Variants in PLXNA2 observed in about 807,000 individuals in gnomAD.
PLXNA2 encodes plexin A2.
A neutral mutation model predicts 193.5 loss-of-function variants in PLXNA2; 91 were observed. That is an observed-to-expected ratio of 0.47 (90% confidence interval 0.40 to 0.56). PLXNA2 has a LOEUF of 0.56. Ranked by LOEUF, PLXNA2 falls within the 20% of genes least tolerant of loss-of-function variation. The pLI, the probability that PLXNA2 is intolerant of heterozygous loss-of-function variation, is 0.00. For missense variants in PLXNA2, 1,995 were observed against 2,503.2 expected, an observed-to-expected ratio of 0.80 and a Z score of 4.33; for synonymous variants, 997 against 1,027.3, an observed-to-expected ratio of 0.97 and a Z score of 0.56.
chr1:208,095,012 G>A (rs1666835086), intron 8 of PLXNA2, among the ~76,000 whole-genome samples: 1 of 152,176 alleles, frequency 6.6e-6, no homozygotes, highest in Non-Finnish European at 1.5e-5. Flanking sequence ...CTGAAGACCT[G>A]ACTATGATGT....
At chr1:208,060,928 C>A (rs1665600321) in intron 12 of PLXNA2, 91 bp from the exon 13 acceptor site, 7 of 1,148,868 alleles carry the variant, frequency 6.1e-6, no homozygotes, top group South Asian at 5.9e-5. Flanking sequence ...GGTTTAAGAA[C>A]CTCCATAGGT....
intron 3 of PLXNA2, among the ~76,000 whole-genome samples, chr1:208,202,275 TGGCCAG>T (rs1389266894): frequency 1.3e-5 from 2 of 152,218 alleles, no homozygotes; most frequent in Non-Finnish European, 2.9e-5. Flanking sequence ...CCACCATACC[TGGCCAG>T]GGCAGCCATT....
chr1:208,111,194 G>A (rs770649451), intron 4 of PLXNA2, among the ~76,000 whole-genome samples: 6 of 152,074 alleles, frequency 3.9e-5, no homozygotes, highest in Non-Finnish European at 7.4e-5. Flanking sequence ...TGGACTACAG[G>A]TGTGTGCCAC....
intron 3 of PLXNA2, among the ~76,000 whole-genome samples, chr1:208,169,365 A>T (rs2102528047): frequency 6.6e-6 from 1 of 152,348 alleles, no homozygotes; most frequent in Middle Eastern, 3.4e-3. Flanking sequence ...ATGATCAGCA[A>T]GTCTGGACCA....
At chr1:208,113,643 G>A (rs1169806482) in intron 4 of PLXNA2, among the ~76,000 whole-genome samples, 1 of 140,164 alleles carries the variant, frequency 7.1e-6, no homozygotes, top group Admixed American at 8.0e-5. Flanking sequence ...TCAGGCTCCC[G>A]GATTCATGCA....
Position 208,139,190 on chromosome 1 carries a change from C to G in PLXNA2, c.1506+3139G>C, listed in dbSNP as rs186188591. Among the ~76,000 whole-genome samples, 74 of 152,318 alleles carry G rather than the reference C, an allele frequency of 4.9e-4. 1 individual carries two copies. In the East Asian group the frequency reaches 0.013, roughly 27 times the overall value. On this transcript the variant is annotated intron_variant, in intron 4 of 31. Transcript: ENST00000367033. ...CAATCCTAGGACCTTAAACAAATTT[C>G]TATAAGATCTGAAAGAGACTTTAGA... is the stretch of plus-strand genomic sequence containing the variant.
intron 13 of PLXNA2, among the ~76,000 whole-genome samples, 195 bp from the exon 14 acceptor site, chr1:208,054,733 C>T (rs1229346133): frequency 6.6e-6 from 1 of 152,236 alleles, no homozygotes; most frequent in Non-Finnish European, 1.5e-5. Flanking sequence ...CTCATCTGCA[C>T]AGTGTGAAGG....
chr1:208,170,090 T>C (rs1669442296), intron 3 of PLXNA2, among the ~76,000 whole-genome samples: 1 of 152,216 alleles, frequency 6.6e-6, no homozygotes, highest in South Asian at 2.1e-4. Context: ...CAGATGGCTT[T>C]GTTTTCCAAA....
chr1:208,078,700 C>T (rs1235024402), intron 12 of PLXNA2, among the ~76,000 whole-genome samples: 2 of 152,154 alleles, frequency 1.3e-5, no homozygotes, highest in Non-Finnish European at 2.9e-5. Context: ...TTGGAATTTG[C>T]TATTTTGGAA....
chr1:208,163,795 C>A (rs974051677), intron 3 of PLXNA2, among the ~76,000 whole-genome samples: 1 of 152,204 alleles, frequency 6.6e-6, no homozygotes, highest in East Asian at 1.9e-4. Flanking sequence ...TTTCTCCCAA[C>A]CATCCTTTGT....
chr1:208,122,396 C>G (rs1469311565), intron 4 of PLXNA2, among the ~76,000 whole-genome samples: 2 of 152,172 alleles, frequency 1.3e-5, no homozygotes, highest in Non-Finnish European at 2.9e-5. Context: ...TTTTCTTGAG[C>G]ATGTTAGTGT....
intron 29 of PLXNA2, 190 bp downstream of exon 29, chr1:208,031,400 T>A: frequency 7.3e-7 from 1 of 1,368,336 alleles, no homozygotes. Flanking sequence ...CAGGCCCCAC[T>A]TGGCACAGGC....
At chr1:208,089,379 C>A (rs958355430) in intron 9 of PLXNA2, among the ~76,000 whole-genome samples, 1 of 152,222 alleles carries the variant, frequency 6.6e-6, no homozygotes, top group African/African-American at 2.4e-5. Context: ...AGAAAACATA[C>A]TGTACTCAGC....
At chr1:208,165,848 G>T (rs1264857216) in intron 3 of PLXNA2, among the ~76,000 whole-genome samples, 3 of 152,096 alleles carry the variant, frequency 2.0e-5, no homozygotes. Flanking sequence ...CTCATTTTTT[G>T]ATCAGAGAGA....
In PLXNA2 at chr1:208,103,287, G is replaced by A. The variant is rs762139139; in HGVS notation, c.1507-40C>T. ...AAAGAGGGTACAGTGAGGTTAGGCTGTGACGACTAGCAGGTGTGTGTCACA... is the reference window on the plus strand; with the variant it reads ...AAAGAGGGTACAGTGAGGTTAGGCTATGACGACTAGCAGGTGTGTGTCACA... On this transcript the variant is annotated intron_variant, in intron 4 of 31. Transcript: ENST00000367033. The A allele has an allele frequency of 3.4e-6, 5 of 1,476,970 alleles. No individual in the cohort carries two copies. In the East Asian group the frequency reaches 6.8e-5, roughly 20 times the overall value. 91.5% of individuals were successfully genotyped at this position (1,476,970 alleles called of 1,614,324 possible).
intron 1 of PLXNA2, among the ~76,000 whole-genome samples, chr1:208,223,557 A>G (rs1258573227): frequency 2.0e-5 from 3 of 152,186 alleles, no homozygotes; most frequent in Non-Finnish European, 4.4e-5. Flanking sequence ...TGAAAGAAAG[A>G]CACATGTCCG....
intron 9 of PLXNA2, among the ~76,000 whole-genome samples, chr1:208,091,868 CAAAA>C (rs10655053): frequency 7.6e-6 from 1 of 130,990 alleles, no homozygotes; most frequent in African/African-American, 2.9e-5. Flanking sequence ...GACTTCATAT[CAAAA>C]AAAAAAAAAA....
intron 4 of PLXNA2, among the ~76,000 whole-genome samples, chr1:208,113,791 A>G (rs1453470905): frequency 1.3e-5 from 2 of 152,104 alleles, no homozygotes; most frequent in East Asian, 3.9e-4. Context: ...CCTGGGCTCA[A>G]GTGATCTGCC....
chr1:208,154,556 T>C (rs1049387717), intron 3 of PLXNA2, among the ~76,000 whole-genome samples: 1 of 152,138 alleles, frequency 6.6e-6, no homozygotes, highest in Admixed American at 6.5e-5. Context: ...GGAGCTACAC[T>C]AGGGCCAACT....
Sources: gnomAD v4.1 joint callset for allele counts (sites outside exome capture counted in the v4.1 genomes callset) on GRCh38, gnomAD v4.1.1 for gene constraint, MANE v1.5 for transcripts, NCBI Gene and HGNC (gene_info 2026-07-23, HGNC 2026-07-21) for gene names.